The following TMEM216 variants were observed in gnomAD, a reference collection of about 807,000 sequenced individuals.
TMEM216 encodes cerebello-oculo-renal syndrome 2.
A neutral mutation model predicts 17.8 loss-of-function variants in TMEM216; 15 were observed. The observed-to-expected ratio is 0.84, with a 90% CI of 0.56 to 1.30. TMEM216 has a LOEUF of 1.30. TMEM216 is among the 50% of genes most tolerant of loss of function. The pLI is 0.00. For synonymous variants in TMEM216, 58 were observed against 73.5 expected (o/e 0.79, Z 1.08); for missense variants, 160 against 175.7 (o/e 0.91, Z 0.51).
chr11:61,395,604 C>T (rs370362330), intron 3 of TMEM216, among the ~76,000 whole-genome samples: 6 of 151,706 alleles, frequency 4.0e-5, no homozygotes, highest in East Asian at 3.9e-4. Context: ...GGTGTGGTGG[C>T]GCGCACCTGT....
Position 61,392,679 on chromosome 11 carries a change from GGTGT to G in TMEM216, c.34+18_34+21del, listed in dbSNP as rs940443692. ...TGGCGCCGCGAGGTGAGATTCCGGAGGTGTGTGAGTCGCTGGTCCCTTTCCCTTC... is the reference window on the plus strand; with the variant it reads ...TGGCGCCGCGAGGTGAGATTCCGGAGGTGAGTCGCTGGTCCCTTTCCCTTC... On this transcript the variant is annotated intron_variant, in intron 1 of 4. Coordinates refer to ENST00000515837, the MANE Select transcript of TMEM216 (RefSeq NM_001173990.3). 26 of 1,536,136 alleles carry G rather than the reference GGTGT, an allele frequency of 1.7e-5. No individual in the cohort carries two copies. In the Admixed American group the frequency reaches 4.7e-4, roughly 28 times the overall value.
At chr11:61,396,662 C>T (rs1858804503) in intron 3 of TMEM216, among the ~76,000 whole-genome samples, 1 of 151,648 alleles carries the variant, frequency 6.6e-6, no homozygotes, top group Non-Finnish European at 1.5e-5. Context: ...GGCATGGTGG[C>T]GGGCACCTGT....
In TMEM216 at chr11:61,397,995, AT is replaced by A; in HGVS notation, c.431+23del. On this transcript the variant is annotated intron_variant, in intron 4 of 4. Transcript: ENST00000515837. ...CTCCAGGTACTGCTGCTGAGGGACCATTTCTCATCACTAGAGGGTTGGGTTC... is the reference window on the plus strand; with the variant it reads ...CTCCAGGTACTGCTGCTGAGGGACCATTCTCATCACTAGAGGGTTGGGTTC... 1 of 1,612,146 alleles carries A rather than the reference AT, an allele frequency of 6.2e-7. No homozygotes were observed. The highest frequency in any genetic ancestry group is 8.5e-7 in the Non-Finnish European group (1 of 1,179,220).
chr11:61,392,732 C>A, intron 1 of TMEM216, 67 bp downstream of exon 1: 1 of 1,535,614 alleles, frequency 6.5e-7, no homozygotes, highest in Non-Finnish European at 8.7e-7. Context: ...CACCTCTGTC[C>A]CAGAGCTTGA....
At chr11:61,397,085 C>T (rs577266499) in intron 3 of TMEM216, among the ~76,000 whole-genome samples, 4 of 151,716 alleles carry the variant, frequency 2.6e-5, no homozygotes, top group Non-Finnish European at 4.4e-5. Flanking sequence ...AAACAATACA[C>T]GTCATTCTCT....
chr11:61,392,951 GT>G (rs1858707005), intron 1 of TMEM216: 1 of 885,988 alleles, frequency 1.1e-6, no homozygotes, highest in African/African-American at 1.8e-5. Context: ...TAGTGACAGA[GT>G]GAGATCTTTG....
rs924420989 is a variant in TMEM216, at chr11:61,393,790, G to A, written c.137-94G>A. Reference sequence around the variant, plus strand: ...CATCTCACTAACTAGTTCATGGAAAGCTGAGACTGATGTCCTCTTTTTTCC... The same window carrying A: ...CATCTCACTAACTAGTTCATGGAAAACTGAGACTGATGTCCTCTTTTTTCC... On this transcript the variant is annotated intron_variant, in intron 2 of 4. Transcript: ENST00000515837. 5 of 898,060 alleles carry A rather than the reference G, an allele frequency of 5.6e-6. No homozygotes were observed. The African/African-American group carries it at 8.3e-5, about 15-fold the overall frequency. The allele number at this position is 898,060 out of a possible 1,614,324, so 55.6% of individuals were successfully genotyped here. A position where few individuals can be genotyped will look rare whatever the true frequency, so the allele number is the denominator to read the frequency against.
intron 3 of TMEM216, among the ~76,000 whole-genome samples, chr11:61,394,912 G>A (rs376253347): frequency 2.6e-5 from 4 of 152,208 alleles, no homozygotes; most frequent in South Asian, 2.1e-4. Flanking sequence ...TGATCCACCC[G>A]CCTTGGCCTC....
rs1456569462 is a variant in TMEM216 at position 61,393,291 on chromosome 11, C to G, written c.95C>G (p.Ala32Gly). Residue 32 changes from alanine (A) to glycine (G), a missense_variant, in exon 2 of 5, where the codon GCT (alanine) becomes GGT (glycine). By Grantham distance (60) the Ala-to-Gly change is moderately conservative (BLOSUM62 0). Transcript: ENST00000515837. ...ILFFLNGWYN[A>G]TYFLLELFIF... ...TTCTTTCTGAACGGGTGGTATAATG[C>G]TACCTATTTCCTGCTGGAACTTTTC... The G allele has an allele frequency of 6.5e-7, 1 of 1,536,060 alleles. No homozygotes were observed.
rs916644284 is a variant in TMEM216, at chr11:61,398,400, C to G, written c.*124C>G. 1 of 1,042,560 alleles carries G rather than the reference C, an allele frequency of 9.6e-7. No individual in the cohort carries two copies. The highest frequency in any genetic ancestry group is 1.4e-6 in the Non-Finnish European group (1 of 707,314). 64.6% of individuals were successfully genotyped at this position (1,042,560 alleles called of 1,614,324 possible). A position where few individuals can be genotyped will look rare whatever the true frequency, so the allele number is the denominator to read the frequency against. ...TGAGAAAGGCTGTGTGGCTTTTCTT[C>G]AGCACAGACATTTGGGCAAGCAACT... On this transcript the variant is annotated 3_prime_UTR_variant, in exon 5 of 5. Transcript: ENST00000515837.
chr11:61,395,158 T>C (rs1031272698), intron 3 of TMEM216, among the ~76,000 whole-genome samples: 1 of 152,028 alleles, frequency 6.6e-6, no homozygotes, highest in African/African-American at 2.4e-5. Context: ...GTGTTTTTTG[T>C]AGAGACAGTG....
rs1408789178 is a variant in TMEM216 at position 61,393,946 on chromosome 11, C to CT, written c.201dup (p.Gly68TrpfsTer3). The CT allele has an allele frequency of 6.2e-7, 1 of 1,613,886 alleles. No individual in the cohort carries two copies. The highest frequency in any genetic ancestry group is 1.3e-5 in the African/African-American group (1 of 74,924). On this transcript the variant is annotated frameshift_variant, in exon 3 of 5. Transcript: ENST00000515837. LOFTEE classifies it high-confidence loss of function. ...GGATGTGGTGATGCTCCTCCTTTAT[C>CT]TTGGAATTGAAGTAATTCGCCTGTT...
rs1057520085 is a variant in TMEM216 at position 61,393,215 on chromosome 11, TGTGCTCCTTTTTCAG to T, written c.35-13_36del. The T allele has an allele frequency of 5.2e-6, 8 of 1,531,520 alleles. No homozygotes were observed. Among genetic ancestry groups the T allele is most frequent in the Non-Finnish European group, 7.0e-6 (8 of 1,143,138 alleles). The allele number at this position is 1,531,520 out of a possible 1,614,324, so 94.9% of individuals were successfully genotyped here. ...TGCCTTCCGGCCCATCCCACTTCTC[TGTGCTCCTTTTTCAG>T]GTAAACGGTTGTCCTCCACCCCGCT... On this transcript the variant is annotated splice_acceptor_variant and splice_polypyrimidine_tract_variant and intron_variant, in intron 1 of 4. Coordinates refer to ENST00000515837, the MANE Select transcript of TMEM216 (RefSeq NM_001173990.3). LOFTEE classifies it high-confidence loss of function.
Position 61,392,666 on chromosome 11 carries a change from G to A in TMEM216, c.34+1G>A. On this transcript the variant is annotated splice_donor_variant, in intron 1 of 4. Coordinates refer to ENST00000515837, the MANE Select transcript of TMEM216 (RefSeq NM_001173990.3). LOFTEE classifies it high-confidence loss of function. ...CGGGGACTGAAGATGGCGCCGCGAG[G>A]TGAGATTCCGGAGGTGTGTGAGTCG... is the stretch of plus-strand genomic sequence containing the variant. The A allele has an allele frequency of 6.5e-7, 1 of 1,536,126 alleles. No individual in the cohort carries two copies. Among genetic ancestry groups the A allele is most frequent in the Non-Finnish European group, 8.7e-7 (1 of 1,146,912 alleles).
intron 4 of TMEM216, 128 bp from the exon 5 acceptor site, chr11:61,398,142 C>T (rs1486251563): frequency 1.1e-5 from 16 of 1,412,732 alleles, no homozygotes; most frequent in Non-Finnish European, 1.6e-5. Flanking sequence ...TAGATCGTTT[C>T]CCACTCAGGG....
chr11:61,395,119 G>GGT (rs1858770602), intron 3 of TMEM216, among the ~76,000 whole-genome samples: 1 of 152,160 alleles, frequency 6.6e-6, no homozygotes. Context: ...TGGGACCACA[G>GGT]GTGTGCGACA....
chr11:61,398,100 G>T (rs1858841662), intron 4 of TMEM216, 125 bp downstream of exon 4: 2 of 1,384,040 alleles, frequency 1.4e-6, no homozygotes, highest in Non-Finnish European at 2.0e-6. Context: ...GGAAGGGGTG[G>T]CTATGGGATT....
chr11:61,394,200 G>C (rs545369243), intron 3 of TMEM216: 4 of 514,788 alleles, frequency 7.8e-6, no homozygotes, highest in Admixed American at 6.5e-5. Context: ...TGGGATATTA[G>C]ATGATTCCTT....
intron 3 of TMEM216, among the ~76,000 whole-genome samples, chr11:61,396,396 T>A (rs1031053013): frequency 2.0e-5 from 3 of 152,058 alleles, no homozygotes; most frequent in Non-Finnish European, 4.4e-5. Flanking sequence ...GGAGAATCAC[T>A]TGAGCCCGGG....
Sources: allele counts gnomAD v4.1 joint callset (sites outside exome capture counted in the v4.1 genomes callset), GRCh38; gene constraint gnomAD v4.1.1; transcripts MANE v1.5; gene names NCBI Gene and HGNC (gene_info 2026-07-23, HGNC 2026-07-21).